Variants in TRHDE observed in about 807,000 individuals in gnomAD.
TRHDE encodes the protein thyrotropin releasing hormone degrading enzyme.
In TRHDE, 72 loss-of-function variants were observed where a neutral mutation model predicts 125.7. That is an observed-to-expected ratio of 0.57 (90% CI 0.47 to 0.70). TRHDE has a LOEUF of 0.70. Ranked by LOEUF, TRHDE falls within the 30% of genes least tolerant of loss-of-function variation. TRHDE has a pLI of 0.00. For synonymous variants in TRHDE, 509 were observed against 509.1 expected (o/e 1.00, Z 0.00); for missense variants, 1,110 against 1,327.1 (o/e 0.84, Z 2.54).
At chr12:72,443,609 G>A (rs1280857427) in intron 3 of TRHDE, among the ~76,000 whole-genome samples, 1 of 151,816 alleles carries the variant, frequency 6.6e-6, no homozygotes, top group African/African-American at 2.4e-5. Flanking sequence ...AACACATTGA[G>A]TGGAACATTT....
chr12:72,424,606 G>A (rs1214601398), intron 3 of TRHDE, among the ~76,000 whole-genome samples: 2 of 152,230 alleles, frequency 1.3e-5, no homozygotes, highest in East Asian at 3.9e-4. Context: ...AAACTAACAT[G>A]TGGACCAACT....
At chr12:72,265,375 C>G (rs1367207518) in intron 2 of TRHDE, among the ~76,000 whole-genome samples, 1 of 151,740 alleles carries the variant, frequency 6.6e-6, no homozygotes, top group African/African-American at 2.4e-5. Flanking sequence ...GGACAATACT[C>G]TCAGAAAAAC....
chr12:72,272,249 G>C, upstream of TRHDE: 1 of 383,048 alleles, frequency 2.6e-6, no homozygotes, highest in South Asian at 1.9e-5. This position sits in a 1 kb window ranked among gnomAD's most constrained non-coding sequence, Gnocchi z 6.7. Context: ...CCCTAGCCGA[G>C]AACCGGTTGG....
intron 2 of TRHDE, among the ~76,000 whole-genome samples, chr12:72,229,396 C>G (rs1032075997): frequency 1.3e-5 from 2 of 152,084 alleles, no homozygotes; most frequent in Admixed American, 6.6e-5. Flanking sequence ...TGGGAAAGAC[C>G]TCCCCTCCAT....
rs375818170 is a variant in TRHDE at position 72,446,204 on chromosome 12, A to G, written c.1316-23554A>G. On this transcript the variant is annotated intron_variant, in intron 3 of 18. Transcript: ENST00000261180. ...TCTAGGGTACATGTGCACAACATGC[A>G]GGTTTGTTACATATGTATACATGTG... Among the ~76,000 whole-genome samples the G allele has an allele frequency of 1.4e-4, 20 of 145,674 alleles. No homozygotes were observed. In the East Asian group the frequency reaches 3.2e-3, roughly 23 times the overall value.
chr12:72,435,426 T>G (rs937664560), intron 3 of TRHDE, among the ~76,000 whole-genome samples: 7 of 152,128 alleles, frequency 4.6e-5, no homozygotes, highest in African/African-American at 1.7e-4. Flanking sequence ...TTAGACGATA[T>G]CTAAACCAGG....
At chr12:72,239,000 TCCC>T (rs1243866182) in intron 2 of TRHDE, among the ~76,000 whole-genome samples, 8 of 152,100 alleles carry the variant, frequency 5.3e-5, no homozygotes, top group African/African-American at 1.9e-4. Flanking sequence ...TAATTTACAC[TCCC>T]CCCAACAGTG....
intron 17 of TRHDE, 116 bp downstream of exon 17, chr12:72,653,272 T>G (rs991194564): frequency 1.2e-5 from 9 of 731,432 alleles, no homozygotes; most frequent in Admixed American, 4.0e-5. Context: ...ATTAAAATAT[T>G]CAACCAAGAT....
At chr12:72,514,669 G>T (rs1009793513) in intron 6 of TRHDE, among the ~76,000 whole-genome samples, 2 of 151,208 alleles carry the variant, frequency 1.3e-5, no homozygotes, top group Non-Finnish European at 1.5e-5. Flanking sequence ...TAAGTTTCAG[G>T]GTACATGTGC....
At chr12:72,275,543 T>C (rs1196933501) in intron 1 of TRHDE, among the ~76,000 whole-genome samples, 1 of 152,358 alleles carries the variant, frequency 6.6e-6, no homozygotes, top group South Asian at 2.1e-4. Context: ...CAAATTTGCA[T>C]ACTATGTTTA....
chr12:72,575,434 C>T (rs1450390416), intron 11 of TRHDE, 46 bp downstream of exon 11: 2 of 1,613,098 alleles, frequency 1.2e-6, no homozygotes, highest in Non-Finnish European at 1.7e-6. Context: ...GGTATGTGAA[C>T]ACCTACCATT....
At chr12:72,599,844 A>G (rs1392112137) in intron 12 of TRHDE, among the ~76,000 whole-genome samples, 10 of 152,160 alleles carry the variant, frequency 6.6e-5, no homozygotes, top group East Asian at 3.9e-4. Context: ...AGAAAATCCT[A>G]TATTTTCTTT....
chr12:72,125,897 G>A, intron 2 of TRHDE, among the ~76,000 whole-genome samples: 1 of 152,198 alleles, frequency 6.6e-6, no homozygotes, highest in Admixed American at 6.5e-5. Context: ...AAGACTCCCT[G>A]AGTGGAAGAG....
chr12:72,238,096 T>A (rs1221797958), intron 2 of TRHDE, among the ~76,000 whole-genome samples: 6 of 151,454 alleles, frequency 4.0e-5, no homozygotes, highest in African/African-American at 1.5e-4. Flanking sequence ...TGGAGGGATT[T>A]ATCCAAGGGG....
chr12:72,422,182 G>A (rs202075387), intron 3 of TRHDE, among the ~76,000 whole-genome samples: 1 of 151,968 alleles, frequency 6.6e-6, no homozygotes, highest in South Asian at 2.1e-4. Context: ...GGGGTTTTAT[G>A]GTTCTTAGAA....
chr12:72,275,805 G>C (rs1879467603), intron 1 of TRHDE, among the ~76,000 whole-genome samples: 1 of 152,064 alleles, frequency 6.6e-6, no homozygotes, highest in African/African-American at 2.4e-5. Flanking sequence ...AAACTCTCTT[G>C]CAGTTTTCCC....
At chr12:72,489,930 T>A (rs1013744424) in intron 5 of TRHDE, among the ~76,000 whole-genome samples, 5 of 151,860 alleles carry the variant, frequency 3.3e-5, no homozygotes, top group African/African-American at 1.2e-4. Flanking sequence ...ACATTGTTGT[T>A]AACAACGATA....
At chr12:72,591,741 G>T (rs11179269) in intron 12 of TRHDE, among the ~76,000 whole-genome samples, 2 of 149,630 alleles carry the variant, frequency 1.3e-5, no homozygotes, top group Non-Finnish European at 3.0e-5. Flanking sequence ...TGGTCTTGAA[G>T]AATTTTTTTT....
Position 72,165,272 on chromosome 12 carries a change from A to T in TRHDE, n.279+59520A>T, listed in dbSNP as rs540196167. Among the ~76,000 whole-genome samples, 5 of 152,302 alleles carry T rather than the reference A, an allele frequency of 3.3e-5. No individual in the cohort carries two copies. The East Asian group carries it at 7.7e-4, about 24-fold the overall frequency. Reference sequence around the variant, plus strand: ...AGTATACCATCAAATTCAAGTTTTCAGTTCACCAATGATCCTTGAAGATAG... The same window carrying T: ...AGTATACCATCAAATTCAAGTTTTCTGTTCACCAATGATCCTTGAAGATAG... On this transcript the variant is annotated intron_variant and non_coding_transcript_variant, in intron 2 of 4. Coordinates refer to the TRHDE transcript ENST00000548156.
Sources: allele counts gnomAD v4.1 joint callset (sites outside exome capture counted in the v4.1 genomes callset), GRCh38; gene constraint gnomAD v4.1.1; non-coding constraint Gnocchi (gnomAD v3.1); transcripts MANE v1.5; gene names NCBI Gene and HGNC (gene_info 2026-07-23, HGNC 2026-07-21).